BMAL2: variants seen among roughly 807,000 people sequenced by gnomAD.
The protein encoded by BMAL2 is basic helix-loop-helix ARNT-like protein 2.
chr12:27,373,638 C>T, the BMAL2 span, among the ~76,000 whole-genome samples: 7 of 152,000 alleles, frequency 4.6e-5, no homozygotes, highest in Admixed American at 2.0e-4. Context: ...GAAGTGGGAG[C>T]GGCACACAGA....
chr12:27,332,982 A>G, the BMAL2 span: 1 of 1,055,676 alleles, frequency 9.5e-7, no homozygotes, highest in Non-Finnish European at 1.2e-6. Flanking sequence ...TCCCTGCTCC[A>G]GAGCCGCCGC....
chr12:27,391,577 A>C, the BMAL2 span, among the ~76,000 whole-genome samples: 6 of 152,356 alleles, frequency 3.9e-5, no homozygotes, highest in South Asian at 1.0e-3. Flanking sequence ...CCTGGGTCCA[A>C]TGGTAGCTCT....
the BMAL2 span, among the ~76,000 whole-genome samples, chr12:27,372,448 G>A: frequency 0.95 from 145,008 of 152,286 alleles, 69,063 homozygotes; most frequent in East Asian, 1. Flanking sequence ...GCTATTGTGA[G>A]TAATGCTACT....
chr12:27,380,764 C>G, the BMAL2 span, among the ~76,000 whole-genome samples: 2 of 152,052 alleles, frequency 1.3e-5, no homozygotes, highest in Admixed American at 6.6e-5. Context: ...AATCCCCGTA[C>G]TTTGGGAGGC....
chr12:27,407,806 C>T, the BMAL2 span, among the ~76,000 whole-genome samples: 2 of 152,040 alleles, frequency 1.3e-5, no homozygotes. Flanking sequence ...AATCCAGGAG[C>T]TGGTTTTTTG....
At chr12:27,393,806 G>A in the BMAL2 span, among the ~76,000 whole-genome samples, 1 of 152,212 alleles carries the variant, frequency 6.6e-6, no homozygotes, top group African/African-American at 2.4e-5. Flanking sequence ...TGGACCTTAT[G>A]TGAGATGGCC....
chr12:27,381,279 C>T, the BMAL2 span, among the ~76,000 whole-genome samples: 1 of 152,106 alleles, frequency 6.6e-6, no homozygotes, highest in African/African-American at 2.4e-5. Flanking sequence ...ATATGTGTAC[C>T]TGTGTATTAG....
chr12:27,408,736 C>G, the BMAL2 span, among the ~76,000 whole-genome samples: 33 of 152,128 alleles, frequency 2.2e-4, no homozygotes, highest in South Asian at 2.1e-4. Context: ...GTTGAAAGTT[C>G]TGGCCAGGGC....
the BMAL2 span, among the ~76,000 whole-genome samples, chr12:27,414,296 A>C: frequency 3.9e-5 from 6 of 152,218 alleles, no homozygotes; most frequent in African/African-American, 1.4e-4. Context: ...ATCAATATGG[A>C]AACAGTGGAC....
chr12:27,360,051 T>TAAAAAAAAAA, the BMAL2 span, among the ~76,000 whole-genome samples: 1 of 115,268 alleles, frequency 8.7e-6, no homozygotes, highest in Non-Finnish European at 1.7e-5. Context: ...AGACCCTATT[T>TAAAAAAAAAA]AAAAAAAAAA....
At chr12:27,341,334 A>G in the BMAL2 span, among the ~76,000 whole-genome samples, 1 of 152,172 alleles carries the variant, frequency 6.6e-6, no homozygotes, top group Admixed American at 6.5e-5. Context: ...AAAGGTGTTG[A>G]ATTTTATCAA....
the BMAL2 span, among the ~76,000 whole-genome samples, chr12:27,348,751 A>G: frequency 5.9e-5 from 9 of 152,210 alleles, no homozygotes; most frequent in African/African-American, 2.2e-4. Flanking sequence ...ATAATCCATC[A>G]TTTCCTCAAT....
At chr12:27,377,000 C>CAAAAA in the BMAL2 span, among the ~76,000 whole-genome samples, 9 of 91,728 alleles carry the variant, frequency 9.8e-5, no homozygotes, top group Non-Finnish European at 1.4e-4. Flanking sequence ...AACTCCGTCT[C>CAAAAA]AAAAAAAAAA....
the BMAL2 span, among the ~76,000 whole-genome samples, chr12:27,336,582 T>C: frequency 6.6e-6 from 1 of 152,252 alleles, no homozygotes; most frequent in East Asian, 1.9e-4. Context: ...TACTGGTCCC[T>C]GACACATACT....
At chr12:27,337,307 C>A in the BMAL2 span, among the ~76,000 whole-genome samples, 3 of 152,158 alleles carry the variant, frequency 2.0e-5, no homozygotes, top group Non-Finnish European at 2.9e-5. Context: ...GTTTTACTTA[C>A]AACATTTCAT....
the BMAL2 span, chr12:27,385,484 T>G: frequency 1.2e-6 from 2 of 1,603,454 alleles, no homozygotes; most frequent in Admixed American, 1.7e-5. Context: ...TTTTTAGGCT[T>G]GACAAATTCT....
the BMAL2 span, among the ~76,000 whole-genome samples, chr12:27,395,991 C>T: frequency 6.6e-6 from 1 of 152,154 alleles, no homozygotes; most frequent in African/African-American, 2.4e-5. Context: ...ATGGGTGGTA[C>T]AGGGTGAATT....
chr12:27,389,994 C>G, the BMAL2 span: 31 of 1,419,142 alleles, frequency 2.2e-5, no homozygotes, highest in South Asian at 3.9e-5. Context: ...AAACTGTTTC[C>G]TTTCTCAATA....
chr12:27,424,326 C>A, the BMAL2 span: 1 of 152,030 alleles, frequency 6.6e-6, no homozygotes, highest in African/African-American at 2.4e-5. Flanking sequence ...ATCCATGTTA[C>A]CAAATTTAAA....
Sources: gnomAD v4.1 joint callset for allele counts (sites outside exome capture counted in the v4.1 genomes callset) on GRCh38, gnomAD v4.1.1 for gene constraint, MANE v1.5 for transcripts, NCBI Gene and HGNC (gene_info 2026-07-23, HGNC 2026-07-21) for gene names.